The following NAV3 variants were observed in gnomAD, a reference collection of about 807,000 sequenced individuals.
NAV3 encodes the protein neuron navigator 3, also known as pore membrane and/or filament interacting like protein 1.
Under a neutral mutation model 244.7 loss-of-function variants are expected in NAV3, and 87 were observed. The observed-to-expected ratio is 0.36, with a 90% CI of 0.30 to 0.42. The LOEUF (loss-of-function observed/expected upper bound fraction) is 0.42. Ranked by LOEUF, NAV3 falls within the 20% of genes least tolerant of loss-of-function variation. The pLI, the probability that NAV3 is intolerant of heterozygous loss-of-function variation, is 1.00. For synonymous variants in NAV3, 1,126 were observed against 1,042.2 expected (o/e 1.08, Z -1.55); for missense variants, 2,663 against 2,893.3 (o/e 0.92, Z 1.83).
chr12:77,657,376 C>G (rs948553244), intron 2 of NAV3, among the ~76,000 whole-genome samples: 30 of 152,212 alleles, frequency 2.0e-4, no homozygotes, highest in African/African-American at 3.1e-4. Context: ...ATAAATTCCT[C>G]GACACATACA....
intron 2 of NAV3, among the ~76,000 whole-genome samples, chr12:77,801,169 G>C (rs1251617963): frequency 6.6e-6 from 1 of 152,110 alleles, no homozygotes; most frequent in African/African-American, 2.4e-5. Context: ...GTGGTGGTGA[G>C]GGTTCAATGA....
At chr12:78,063,064 G>A (rs1884533480) in intron 12 of NAV3, among the ~76,000 whole-genome samples, 1 of 152,092 alleles carries the variant, frequency 6.6e-6, no homozygotes, top group South Asian at 2.1e-4. Context: ...TCAACTTCTG[G>A]TTAAAATGTG....
intron 8 of NAV3, among the ~76,000 whole-genome samples, chr12:78,011,988 C>T (rs1415527900): frequency 6.6e-6 from 1 of 152,106 alleles, no homozygotes; most frequent in Non-Finnish European, 1.5e-5. Context: ...ATGGGGGAAA[C>T]TGCTCCCTTG....
chr12:77,797,132 G>A lies in NAV3; in HGVS notation c.73-143187G>A, dbSNP rs565013751. ...TGGGTGTACAATGCCTACCACAAAC[G>A]AACTAAATGGTAGATAAACAGTAAA... On this transcript the variant is annotated intron_variant, in intron 2 of 8. Transcript: ENST00000550042. 1.1e-4 allele frequency among the ~76,000 whole-genome samples: 17 copies of A among 152,170 alleles called. No homozygotes were observed. In the South Asian group the frequency reaches 2.7e-3, roughly 24 times the overall value.
Position 78,137,381 on chromosome 12 carries a change from G to T in NAV3, c.4630+16G>T. 1.3e-6 allele frequency: 2 copies of T among 1,582,358 alleles called. No individual in the cohort carries two copies. Among genetic ancestry groups the T allele is most frequent in the Non-Finnish European group, 1.7e-6 (2 of 1,168,000 alleles). ...ATGGAAGAAGGTAAGCGTTGAGGGG[G>T]ATTAAAGATGAAGTCACTTTATTTA... On this transcript the variant is annotated intron_variant, in intron 19 of 39. Transcript: ENST00000397909.
At chr12:78,006,001 C>A (rs146379592) in intron 7 of NAV3, among the ~76,000 whole-genome samples, 1 of 152,024 alleles carries the variant, frequency 6.6e-6, no homozygotes, top group Non-Finnish European at 1.5e-5. Flanking sequence ...CTCTGCTTCC[C>A]GAGTTCAAGC....
intron 1 of NAV3, among the ~76,000 whole-genome samples, chr12:77,874,385 A>T (rs1419229487): frequency 2.6e-5 from 4 of 151,410 alleles, no homozygotes; most frequent in African/African-American, 9.7e-5. Flanking sequence ...TCCTCAGCTA[A>T]TTTTTTTTAA....
At chr12:77,773,797 T>C (rs1452419510) in intron 2 of NAV3, among the ~76,000 whole-genome samples, 1 of 152,180 alleles carries the variant, frequency 6.6e-6, no homozygotes. Flanking sequence ...ATTCATCCAC[T>C]TAATTGTGTA....
rs562668312 is a variant in NAV3 at position 78,020,509 on chromosome 12, T to C, written c.1908-1238T>C. 2.2e-4 allele frequency among the ~76,000 whole-genome samples: 34 copies of C among 152,284 alleles called. 1 individual carries two copies. The highest frequency in any genetic ancestry group is 2.0e-3 in the Admixed American group (30 of 15,288). ...TTGGAGTCCAAGGCACAACTTTGTATAGGAAAGTTTCTTTCTTGTATAGTT... is the reference window on the plus strand; with the variant it reads ...TTGGAGTCCAAGGCACAACTTTGTACAGGAAAGTTTCTTTCTTGTATAGTT... On this transcript the variant is annotated intron_variant, in intron 8 of 39. Coordinates refer to ENST00000397909, the MANE Select transcript of NAV3 (RefSeq NM_001024383.2).
At chr12:77,876,970 A>T (rs988572904) in intron 1 of NAV3, among the ~76,000 whole-genome samples, 1 of 152,250 alleles carries the variant, frequency 6.6e-6, no homozygotes, top group African/African-American at 2.4e-5. Flanking sequence ...ACAGTACTTA[A>T]GAATTGTCTT....
At chr12:77,652,994 G>C (rs113521222) in intron 2 of NAV3, among the ~76,000 whole-genome samples, 2,115 of 152,236 alleles carry the variant, frequency 0.014, 25 homozygotes, top group Non-Finnish European at 0.02. Context: ...TGTTAATAGG[G>C]TTATGTGGCT....
chr12:77,958,013 C>T (rs1035859144), intron 3 of NAV3, among the ~76,000 whole-genome samples: 5 of 152,126 alleles, frequency 3.3e-5, no homozygotes, highest in East Asian at 1.9e-4. Context: ...GTCAAGAACA[C>T]GTGTTAACTC....
At chr12:78,148,412 A>T (rs56224737) in intron 21 of NAV3, among the ~76,000 whole-genome samples, 1 of 152,070 alleles carries the variant, frequency 6.6e-6, no homozygotes, top group African/African-American at 2.4e-5. Flanking sequence ...GGAAAAAAAA[A>T]CCTAAGATTT....
intron 3 of NAV3, among the ~76,000 whole-genome samples, chr12:77,945,467 G>A (rs1002235590): frequency 3.9e-5 from 6 of 152,038 alleles, no homozygotes; most frequent in African/African-American, 9.7e-5. Flanking sequence ...GATTATGGCC[G>A]GAACAGGGAA....
intron 1 of NAV3, among the ~76,000 whole-genome samples, chr12:77,871,997 G>A (rs1242702294): frequency 6.6e-6 from 1 of 152,088 alleles, no homozygotes. Context: ...GCATGAGATG[G>A]TATCTAATTG....
At chr12:77,797,891 C>G (rs891479542) in intron 2 of NAV3, among the ~76,000 whole-genome samples, 1 of 150,082 alleles carries the variant, frequency 6.7e-6, no homozygotes, top group African/African-American at 2.5e-5. Flanking sequence ...TTGTTTTACC[C>G]GGTACAGTGG....
intron 2 of NAV3, among the ~76,000 whole-genome samples, chr12:77,710,031 A>G (rs566493182): frequency 1.6e-4 from 24 of 152,218 alleles, no homozygotes; most frequent in Admixed American, 5.2e-4. Flanking sequence ...GTCAGCTTGC[A>G]TTAGCTTTAA....
intron 22 of NAV3, among the ~76,000 whole-genome samples, chr12:78,154,289 C>CTATATATTACTA (rs747207577): frequency 1.7e-5 from 1 of 60,014 alleles, no homozygotes; most frequent in South Asian, 3.8e-4. Flanking sequence ...ATATATACTA[C>CTATATATTACTA]TATATATTAC....
intron 1 of NAV3, among the ~76,000 whole-genome samples, chr12:77,902,051 T>C (rs1382784616): frequency 2.0e-5 from 3 of 152,210 alleles, no homozygotes; most frequent in African/African-American, 7.2e-5. Context: ...AAACTAGTGA[T>C]ATATATACAT....
Sources: allele counts gnomAD v4.1 joint callset (sites outside exome capture counted in the v4.1 genomes callset), GRCh38; gene constraint gnomAD v4.1.1; transcripts MANE v1.5; gene names NCBI Gene and HGNC (gene_info 2026-07-23, HGNC 2026-07-21).